ADGRE1: variants seen among roughly 807,000 people sequenced by gnomAD.
The protein encoded by ADGRE1 is adhesion G protein-coupled receptor E1, also known as EGF-like module receptor 1.
A neutral mutation model predicts 102.7 loss-of-function variants in ADGRE1; 82 were observed. The ratio of observed to expected loss-of-function variants is 0.80; its 90% confidence interval spans 0.67 to 0.96. ADGRE1 has a LOEUF of 0.96. Among genes scored for constraint, ADGRE1 ranks in the 40% least tolerant of loss-of-function variants. The probability of loss-of-function intolerance (pLI) is 0.00; values close to 1 mark genes in which losing one functional copy is unlikely to be tolerated. For synonymous variants in ADGRE1, 398 were observed against 399.6 expected (o/e 1.00, Z 0.05); for missense variants, 1,032 against 1,085.3 (o/e 0.95, Z 0.69).
At chr19:6,927,818 C>T (rs145541607) in intron 16 of ADGRE1, among the ~76,000 whole-genome samples, 2,309 of 152,114 alleles carry the variant, frequency 0.015, 38 homozygotes, top group African/African-American at 0.043. Context: ...TGAGACCCCA[C>T]GCCCGGCCTG....
chr19:6,919,979 A>G (rs990088995), intron 13 of ADGRE1, among the ~76,000 whole-genome samples: 2 of 152,194 alleles, frequency 1.3e-5, no homozygotes, highest in Non-Finnish European at 2.9e-5. Context: ...CAAACACCGA[A>G]GCACCGGGTT....
At chr19:6,891,598 C>T (rs375978411) in intron 2 of ADGRE1, among the ~76,000 whole-genome samples, 7 of 152,026 alleles carry the variant, frequency 4.6e-5, no homozygotes, top group East Asian at 1.9e-4. Context: ...GGACTACAGG[C>T]GCCCGCCACC....
chr19:6,906,519 T>A lies in ADGRE1; in HGVS notation c.1036T>A (p.Tyr346Asn). The A allele has an allele frequency of 1.2e-6, 2 of 1,612,672 alleles. No individual in the cohort carries two copies. The highest frequency in any genetic ancestry group is 2.2e-5 in the South Asian group (2 of 90,930). ...AGAGGGAACCGCAGTGAAACCTGCA[T>A]ATGCAAGTATTTTTTAAGGTTCCTA... The part of the protein sequence containing the change: ...CQEGTAVKPA[Y>N]VSFCAQINNI... The change falls in exon 9 of 21, where the codon TAT becomes AAT. Residue 346 changes from tyrosine (Y) to asparagine (N), a missense_variant and splice_region_variant. Physicochemically the swap from Tyr to Asn is moderately radical, Grantham distance 143. Coordinates refer to ENST00000312053, the MANE Select transcript of ADGRE1 (RefSeq NM_001974.5).
chr19:6,892,712 A>T (rs1442329702), intron 2 of ADGRE1, among the ~76,000 whole-genome samples: 1 of 152,228 alleles, frequency 6.6e-6, no homozygotes, highest in Non-Finnish European at 1.5e-5. Context: ...AATCCACCTC[A>T]GTGTCCGTCA....
intron 10 of ADGRE1, among the ~76,000 whole-genome samples, chr19:6,909,044 C>T (rs868699874): frequency 3.1e-4 from 47 of 151,054 alleles, no homozygotes; most frequent in Admixed American, 4.6e-4. Flanking sequence ...TGAAGCAGGA[C>T]GATTGCTTGA....
chr19:6,901,244 A>T (rs1346445547), intron 5 of ADGRE1, among the ~76,000 whole-genome samples: 1 of 152,216 alleles, frequency 6.6e-6, no homozygotes, highest in African/African-American at 2.4e-5. Context: ...GTATTGTTAC[A>T]TTATTACAAG....
At chr19:6,911,391 T>TTTTTTTTG (rs1974172996) in intron 10 of ADGRE1, among the ~76,000 whole-genome samples, 1 of 143,894 alleles carries the variant, frequency 6.9e-6, no homozygotes, top group Non-Finnish European at 1.5e-5. Flanking sequence ...TTTAGTTTTT[T>TTTTTTTTG]TTTTTTTTTT....
chr19:6,888,336 A>C (rs149465887), intron 1 of ADGRE1, among the ~76,000 whole-genome samples: 386 of 152,348 alleles, frequency 2.5e-3, no homozygotes, highest in African/African-American at 8.7e-3. Context: ...GAGGAGGGGC[A>C]GTTCGAGCTG....
intron 5 of ADGRE1, chr19:6,898,312 G>C: frequency 1.3e-6 from 2 of 1,597,298 alleles, no homozygotes; most frequent in Non-Finnish European, 1.7e-6. Flanking sequence ...TCTAGATATT[G>C]ATGAATGTTC....
At chr19:6,918,752 T>TC (rs1420108300) in intron 12 of ADGRE1, among the ~76,000 whole-genome samples, 1 of 151,646 alleles carries the variant, frequency 6.6e-6, no homozygotes, top group Non-Finnish European at 1.5e-5. Context: ...TGTTTTGTTT[T>TC]CTTTTTTTGT....
At chr19:6,906,285 A>G in intron 8 of ADGRE1, 148 bp from the exon 9 acceptor site, 1 of 629,364 alleles carries the variant, frequency 1.6e-6, no homozygotes, top group Non-Finnish European at 2.8e-6. Context: ...TGTAGTGTGT[A>G]GTTGTGGTTT....
chr19:6,935,092 T>TGAG lies in ADGRE1; in HGVS notation c.2381+14_2381+15insGAG. On this transcript the variant is annotated intron_variant, in intron 18 of 20. Transcript: ENST00000312053. ...AAAAGACACCAGGTAAAGCCCTCTT[T>TGAG]CACCTCCCCCCCTCTTTTAATTTCC... 6.6e-7 allele frequency: 1 copy of TGAG among 1,504,536 alleles called. No homozygotes were observed. 93.2% of individuals were successfully genotyped at this position (1,504,536 alleles called of 1,614,324 possible).
chr19:6,917,883 A>G (rs1974458019), intron 12 of ADGRE1, among the ~76,000 whole-genome samples: 1 of 152,164 alleles, frequency 6.6e-6, no homozygotes, highest in South Asian at 2.1e-4. Flanking sequence ...TCTTTTTAGA[A>G]ATAAATCCTC....
At position 6,904,128 on chromosome 19, in the gene ADGRE1, G is replaced by A. The variant is rs757883084; in HGVS notation, c.895G>A (p.Gly299Ser). 2.5e-6 allele frequency: 4 copies of A among 1,614,068 alleles called. No homozygotes were observed. The East Asian group carries it at 6.7e-5, about 27-fold the overall frequency. The change falls in exon 8 of 21, where the codon GGC becomes AGC. Residue 299 changes from glycine to serine, a missense_variant. By Grantham distance (56) the Gly-to-Ser change is moderately conservative. Coordinates refer to ENST00000312053, the MANE Select transcript of ADGRE1 (RefSeq NM_001974.5). ...CTCCTACAGCTGTGGCTGCATTGCA[G>A]GCTTTCATCCCAATCCAGAAGGCTC... ...LGSYSCGCIA[G>S]FHPNPEGSQK...
chr19:6,917,721 C>T, intron 12 of ADGRE1, among the ~76,000 whole-genome samples: 1 of 122,466 alleles, frequency 8.2e-6, no homozygotes, highest in South Asian at 2.6e-4. Context: ...GCCTGGGTGA[C>T]AGAATGAGAC....
chr19:6,937,460 C>A, intron 19 of ADGRE1, 49 bp downstream of exon 19: 1 of 1,590,802 alleles, frequency 6.3e-7, no homozygotes, highest in Non-Finnish European at 8.6e-7. Flanking sequence ...CCCCCTCTCC[C>A]CCCTTCCCCA....
At chr19:6,904,232 G>C (rs1973870122) in intron 8 of ADGRE1, 50 bp downstream of exon 8, 5 of 1,597,356 alleles carry the variant, frequency 3.1e-6, no homozygotes, top group Non-Finnish European at 4.3e-6. Context: ...TCTGGCTTTG[G>C]TTGGAAAATT....
At chr19:6,932,184 C>A (rs1351401309) in intron 17 of ADGRE1, among the ~76,000 whole-genome samples, 1 of 151,996 alleles carries the variant, frequency 6.6e-6, no homozygotes, top group East Asian at 1.9e-4. Flanking sequence ...AAATAAAATT[C>A]TGGGCCGGGC....
At chr19:6,888,564 C>G (rs1251468156) in intron 1 of ADGRE1, among the ~76,000 whole-genome samples, 7 of 152,140 alleles carry the variant, frequency 4.6e-5, no homozygotes, top group East Asian at 1.9e-4. Flanking sequence ...ATCTGAATAC[C>G]CTATTTTACC....
Sources: allele counts gnomAD v4.1 joint callset (sites outside exome capture counted in the v4.1 genomes callset), GRCh38; gene constraint gnomAD v4.1.1; transcripts MANE v1.5; gene names NCBI Gene and HGNC (gene_info 2026-07-23, HGNC 2026-07-21).